MPC2: variants seen among roughly 807,000 people sequenced by gnomAD.
MPC2 encodes the protein mitochondrial pyruvate carrier 2.
Under a neutral mutation model 19.2 loss-of-function variants are expected in MPC2, and 19 were observed. That is an observed-to-expected ratio of 0.99 (90% confidence interval 0.69 to 1.45). The LOEUF is 1.45. MPC2 is among the 40% of genes most tolerant of loss of function. MPC2 has a pLI of 0.00. For synonymous variants in MPC2, 61 were observed against 54.3 expected (o/e 1.12, Z -0.54); for missense variants, 122 against 153.0 (o/e 0.80, Z 1.07).
rs1219325456 is a variant in MPC2, at chr1:167,935,882, T to C, written c.-41A>G. ...GTTGGCAGCCGGGTGGGAGCGTGGC[T>C]GTGTTCTCGTCCCTGGCTGACAACG... On this transcript the variant is annotated 5_prime_UTR_variant, in exon 2 of 6. Transcript: ENST00000271373. The C allele has an allele frequency of 6.9e-7, 1 of 1,450,680 alleles. No homozygotes were observed. The highest frequency in any genetic ancestry group is 9.5e-7 in the Non-Finnish European group (1 of 1,057,668). The allele number at this position is 1,450,680 out of a possible 1,614,324, so 89.9% of individuals were successfully genotyped here. A position where few individuals can be genotyped will look rare whatever the true frequency, so the allele number is the denominator to read the frequency against.
rs1050036 is a variant in MPC2 at position 167,918,198 on chromosome 1, A to C, written c.*125T>G. 65,762 of 667,502 alleles carry C rather than the reference A, an allele frequency of 0.099. 4,171 individuals carry two copies. Among genetic ancestry groups the C allele is most frequent in the African/African-American group, 0.23 (12,478 of 54,382 alleles). The allele number at this position is 667,502 out of a possible 1,614,324, so 41.3% of individuals were successfully genotyped here. A position where few individuals can be genotyped will look rare whatever the true frequency, so the allele number is the denominator to read the frequency against. On this transcript the variant is annotated 3_prime_UTR_variant, in exon 6 of 6. Transcript: ENST00000271373. ...TGCTGCATTTTTCTATTGAATCAAG[A>C]ACTAGCTACCAGTTACAGTGCCTTC...
At chr1:167,929,701 G>A (rs965654416) in intron 2 of MPC2, among the ~76,000 whole-genome samples, 1 of 152,036 alleles carries the variant, frequency 6.6e-6, no homozygotes. Context: ...GCCACCTATC[G>A]TATATATGAT....
intron 1 of MPC2, 32 bp downstream of exon 1, chr1:167,936,907 G>A (rs750459192): frequency 5.6e-6 from 9 of 1,596,448 alleles, no homozygotes; most frequent in Non-Finnish European, 7.7e-6. Context: ...GGCTCAGGCA[G>A]AGCCATGTCT....
intron 2 of MPC2, among the ~76,000 whole-genome samples, chr1:167,925,405 T>C (rs1048568101): frequency 2.0e-5 from 3 of 146,638 alleles, no homozygotes; most frequent in Non-Finnish European, 3.0e-5. Flanking sequence ...CTAATATATA[T>C]GTATGTGTAT....
intron 5 of MPC2, among the ~76,000 whole-genome samples, chr1:167,918,594 C>CTTTTT (rs200327028): frequency 1.5e-5 from 2 of 133,186 alleles, no homozygotes; most frequent in Non-Finnish European, 3.2e-5. Flanking sequence ...CTGCCAAAAA[C>CTTTTT]TTTTTTTTTT....
intron 2 of MPC2, among the ~76,000 whole-genome samples, chr1:167,925,463 A>G (rs1452921277): frequency 1.7e-5 from 2 of 116,358 alleles, no homozygotes; most frequent in African/African-American, 8.5e-5. Flanking sequence ...ATATATATAT[A>G]TATATATATA....
intron 5 of MPC2, among the ~76,000 whole-genome samples, chr1:167,918,585 T>C (rs1351360660): frequency 6.9e-6 from 1 of 145,478 alleles, no homozygotes; most frequent in Non-Finnish European, 1.5e-5. Flanking sequence ...AGAGCACAAC[T>C]GCCAAAAACT....
intron 3 of MPC2, among the ~76,000 whole-genome samples, chr1:167,923,440 A>G (rs890772185): frequency 1.2e-4 from 19 of 152,314 alleles, no homozygotes; most frequent in African/African-American, 4.1e-4. Context: ...AAATAAGCCA[A>G]CTACAAAAAG....
intron 5 of MPC2, among the ~76,000 whole-genome samples, 156 bp downstream of exon 5, chr1:167,919,823 T>A (rs1313893320): frequency 2.6e-5 from 4 of 152,036 alleles, no homozygotes; most frequent in Admixed American, 2.6e-4. Flanking sequence ...CTACTTTAGA[T>A]ACTTCTTGTC....
chr1:167,919,208 G>T (rs926470784), intron 5 of MPC2, among the ~76,000 whole-genome samples: 3 of 152,168 alleles, frequency 2.0e-5, no homozygotes, highest in Admixed American at 2.0e-4. Flanking sequence ...AAACACTTAA[G>T]TTCACAAACG....
At chr1:167,920,494 A>G (rs946568081) in intron 4 of MPC2, 53 bp downstream of exon 4, 26 of 1,575,970 alleles carry the variant, frequency 1.6e-5, no homozygotes, top group South Asian at 1.5e-4. Flanking sequence ...ATAAAAGAAA[A>G]CAAAAATCAT....
At position 167,935,915 on chromosome 1, in the gene MPC2, G is replaced by T; in HGVS notation, c.-57-17C>A. On this transcript the variant is annotated splice_polypyrimidine_tract_variant and intron_variant, in intron 1 of 5. Coordinates refer to ENST00000271373, the MANE Select transcript of MPC2 (RefSeq NM_001143674.4). The stretch of plus-strand genomic sequence containing the variant: ...CGTCCCTGGCTGACAACGAAGGGGA[G>T]CTAGTCACTTTTCCTGCCACGACGA... 1 of 1,179,812 alleles carries T rather than the reference G, an allele frequency of 8.5e-7. No individual in the cohort carries two copies. The highest frequency in any genetic ancestry group is 1.2e-6 in the Non-Finnish European group (1 of 813,658). 73.1% of individuals were successfully genotyped at this position (1,179,812 alleles called of 1,614,324 possible). A position where few individuals can be genotyped will look rare whatever the true frequency, so the allele number is the denominator to read the frequency against.
chr1:167,934,938 T>C (rs1012155688), intron 2 of MPC2, among the ~76,000 whole-genome samples: 1 of 152,150 alleles, frequency 6.6e-6, no homozygotes, highest in African/African-American at 2.4e-5. Context: ...TTACAGTTTT[T>C]TTTTTCAACC....
chr1:167,927,564 T>C (rs1436508976), intron 2 of MPC2, among the ~76,000 whole-genome samples: 3 of 152,244 alleles, frequency 2.0e-5, no homozygotes, highest in African/African-American at 7.2e-5. Context: ...CAGACTTCTC[T>C]TGTTCTATTT....
At position 167,936,650 on chromosome 1, in the gene MPC2, G is replaced by C. The variant is rs552498619; in HGVS notation, c.-58+289C>G. 21 of 404,946 alleles carry C rather than the reference G, an allele frequency of 5.2e-5. No individual in the cohort carries two copies. In the East Asian group the frequency reaches 7.3e-4, roughly 14 times the overall value. 25.1% of individuals were successfully genotyped at this position (404,946 alleles called of 1,614,324 possible). A position where few individuals can be genotyped will look rare whatever the true frequency, so the allele number is the denominator to read the frequency against. The stretch of plus-strand genomic sequence containing the variant: ...CCGCCTCCGCCTCCTCCTGTTGGAG[G>C]GGGGCTGAGGGAGGAGACTGTTGCT... On this transcript the variant is annotated intron_variant, in intron 1 of 5. Coordinates refer to ENST00000271373, the MANE Select transcript of MPC2 (RefSeq NM_001143674.4).
intron 2 of MPC2, among the ~76,000 whole-genome samples, chr1:167,926,657 G>C (rs531864051): frequency 6.6e-6 from 1 of 152,146 alleles, no homozygotes; most frequent in South Asian, 2.1e-4. Context: ...CCGTCTAGTG[G>C]GTAGAGGCCT....
chr1:167,918,279 T>C lies in MPC2; in HGVS notation c.*44A>G, dbSNP rs763328907. ...AACCAAATAATAAACTAGGTCCCAA[T>C]GGTTTTGTCCACATCTAGATTGTTC... On this transcript the variant is annotated 3_prime_UTR_variant, in exon 6 of 6. Transcript: ENST00000271373. 1 of 1,475,638 alleles carries C rather than the reference T, an allele frequency of 6.8e-7. No homozygotes were observed. Among genetic ancestry groups the C allele is most frequent in the South Asian group, 1.2e-5 (1 of 82,218 alleles). The allele number at this position is 1,475,638 out of a possible 1,614,324, so 91.4% of individuals were successfully genotyped here. A position where few individuals can be genotyped will look rare whatever the true frequency, so the allele number is the denominator to read the frequency against.
In MPC2 at chr1:167,937,028, C is replaced by A; in HGVS notation, c.-147G>T. 1 of 1,595,442 alleles carries A rather than the reference C, an allele frequency of 6.3e-7. No homozygotes were observed. The highest frequency in any genetic ancestry group is 8.5e-7 in the Non-Finnish European group (1 of 1,170,344). Reference sequence around the variant, plus strand: ...ACCTGGGTGAGCGGGGGCCCCGGGGCGGAGGCGCTGAGGTCGCCGCCTAGA... The same window carrying A: ...ACCTGGGTGAGCGGGGGCCCCGGGGAGGAGGCGCTGAGGTCGCCGCCTAGA... On this transcript the variant is annotated 5_prime_UTR_variant, in exon 1 of 6. Transcript: ENST00000271373.
At chr1:167,925,694 C>G (rs1256866281) in intron 2 of MPC2, among the ~76,000 whole-genome samples, 1 of 151,078 alleles carries the variant, frequency 6.6e-6, no homozygotes, top group African/African-American at 2.4e-5. Flanking sequence ...TTACAGGCGC[C>G]TGCCACCACA....
Sources: allele counts gnomAD v4.1 joint callset (sites outside exome capture counted in the v4.1 genomes callset), GRCh38; gene constraint gnomAD v4.1.1; transcripts MANE v1.5; gene names NCBI Gene and HGNC (gene_info 2026-07-23, HGNC 2026-07-21).